The following CCDC192 variants were observed in gnomAD, a reference collection of about 807,000 sequenced individuals.
CCDC192 encodes the protein coiled-coil domain-containing protein 192.
intron 5 of CCDC192, among the ~76,000 whole-genome samples, chr5:127,863,823 A>G (rs1751477595): frequency 6.6e-6 from 1 of 152,246 alleles, no homozygotes; most frequent in Non-Finnish European, 1.5e-5. Context: ...TAAAACGGAA[A>G]TTAGAGCAAG....
intron 5 of CCDC192, among the ~76,000 whole-genome samples, chr5:127,804,347 C>A (rs1001605520): frequency 6.6e-6 from 1 of 152,200 alleles, no homozygotes; most frequent in East Asian, 1.9e-4. Flanking sequence ...TCAAAGAACT[C>A]TGTCAGCTAC....
At chr5:127,892,847 G>A (rs1034255581) in intron 6 of CCDC192, among the ~76,000 whole-genome samples, 8 of 152,196 alleles carry the variant, frequency 5.3e-5, no homozygotes, top group African/African-American at 1.2e-4. Context: ...GAGAAACAGT[G>A]TAGAGTAGGT....
At chr5:127,883,904 G>A (rs1221219472) in intron 6 of CCDC192, among the ~76,000 whole-genome samples, 1 of 152,166 alleles carries the variant, frequency 6.6e-6, no homozygotes, top group Non-Finnish European at 1.5e-5. Context: ...TGGTAAGGAG[G>A]CTGAACCGCG....
chr5:127,803,524 G>C (rs190189952), intron 5 of CCDC192, among the ~76,000 whole-genome samples: 8 of 152,268 alleles, frequency 5.3e-5, no homozygotes, highest in Middle Eastern at 6.8e-3. Context: ...GTCAGGACTA[G>C]GTATCTTAAT....
chr5:127,825,117 G>A lies in CCDC192; in HGVS notation c.411+26955G>A, dbSNP rs764500806. Among the ~76,000 whole-genome samples, 13 of 152,274 alleles carry A rather than the reference G, an allele frequency of 8.5e-5. No homozygotes were observed. The East Asian group carries it at 2.1e-3, about 25-fold the overall frequency. On this transcript the variant is annotated intron_variant, in intron 5 of 6. Transcript: ENST00000514853. ...CAAGTGTTTTCTTGAAGAGTTTTAA[G>A]GAGTATTGACTAAGAATGGATAATC... is the stretch of plus-strand genomic sequence containing the variant.
chr5:127,847,821 T>TTAAATAAATAAA (rs67683440), intron 5 of CCDC192, among the ~76,000 whole-genome samples: 2,769 of 142,840 alleles, frequency 0.019, 39 homozygotes, highest in Non-Finnish European at 0.021. Context: ...AGACTCCATC[T>TTAAATAAATAAA]TAAATAAATA....
intron 2 of CCDC192, among the ~76,000 whole-genome samples, chr5:127,726,279 T>C (rs12523164): frequency 0.056 from 8,493 of 152,306 alleles, 553 homozygotes; most frequent in East Asian, 0.27. Context: ...AAAACTATAA[T>C]TGAGTCCAGT....
intron 3 of CCDC192, among the ~76,000 whole-genome samples, chr5:127,779,638 A>G (rs1756075516): frequency 6.6e-6 from 1 of 152,152 alleles, no homozygotes; most frequent in Admixed American, 6.6e-5. Context: ...TGCAGAACCC[A>G]TGCATTAAAT....
intron 6 of CCDC192, among the ~76,000 whole-genome samples, chr5:127,881,355 TGC>T (rs1469186046): frequency 6.6e-6 from 1 of 152,230 alleles, no homozygotes; most frequent in Non-Finnish European, 1.5e-5. Context: ...TACAAACTGA[TGC>T]TTACAGTTCT....
chr5:127,790,237 T>C (rs1045288668), intron 3 of CCDC192, among the ~76,000 whole-genome samples: 4 of 152,196 alleles, frequency 2.6e-5, no homozygotes, highest in Middle Eastern at 3.2e-3. Flanking sequence ...ACCCCTTCCT[T>C]CTTTCATTTT....
intron 6 of CCDC192, among the ~76,000 whole-genome samples, chr5:127,902,297 T>A (rs1208845067): frequency 4.0e-5 from 6 of 150,308 alleles, no homozygotes; most frequent in Non-Finnish European, 8.9e-5. Context: ...TAATAATAAT[T>A]AAAAAAATAA....
intron 5 of CCDC192, among the ~76,000 whole-genome samples, chr5:127,824,864 A>AT (rs1388862260): frequency 6.6e-6 from 1 of 152,208 alleles, no homozygotes; most frequent in African/African-American, 2.4e-5. Flanking sequence ...CTGTGCTAAG[A>AT]TAAATGGTGA....
At chr5:127,753,736 C>T (rs1161749164) in intron 2 of CCDC192, among the ~76,000 whole-genome samples, 2 of 151,054 alleles carry the variant, frequency 1.3e-5, no homozygotes, top group Non-Finnish European at 2.9e-5. Flanking sequence ...AGAGTCTACA[C>T]ATCTGCTAAT....
intron 3 of CCDC192, among the ~76,000 whole-genome samples, chr5:127,780,408 A>T (rs937619196): frequency 2.0e-5 from 3 of 152,194 alleles, no homozygotes; most frequent in African/African-American, 7.2e-5. Context: ...ACTGTTTTCC[A>T]TAGTGGTTGT....
intron 6 of CCDC192, among the ~76,000 whole-genome samples, chr5:127,896,762 T>A (rs151850): frequency 3.3e-5 from 5 of 152,034 alleles, no homozygotes; most frequent in African/African-American, 1.2e-4. Context: ...TTTCATTTTC[T>A]GTGTTTCCTG....
rs13360999 is a variant in CCDC192, at chr5:127,845,590, A to G, written c.412-29948A>G. 7.5e-4 allele frequency among the ~76,000 whole-genome samples: 115 copies of G among 152,364 alleles called. 1 individual carries two copies. The highest frequency in any genetic ancestry group is 2.8e-3 in the African/African-American group (115 of 41,590). ...ACAAACAAACACAGTTTACTGATTTATCTGAAAAATTTGTCATCAAGCAAA... is the reference window on the plus strand; with the variant it reads ...ACAAACAAACACAGTTTACTGATTTGTCTGAAAAATTTGTCATCAAGCAAA... On this transcript the variant is annotated intron_variant, in intron 5 of 6. Coordinates refer to ENST00000514853, the MANE Select transcript of CCDC192 (RefSeq NM_001317938.2).
At chr5:127,898,368 G>A (rs1178474705) in intron 6 of CCDC192, among the ~76,000 whole-genome samples, 7 of 152,160 alleles carry the variant, frequency 4.6e-5, no homozygotes, top group Non-Finnish European at 8.8e-5. Context: ...CTCAGCATCC[G>A]AAAGTGCTGG....
Position 127,783,550 on chromosome 5 carries a change from A to G in CCDC192, c.223-13553A>G, listed in dbSNP as rs575679181. ...CATTTTGTGGCCTATTATATGGTCT[A>G]TCTTGGAGAAAGTTCCATGAGCTGT... On this transcript the variant is annotated intron_variant, in intron 3 of 6. Transcript: ENST00000514853. Among the ~76,000 whole-genome samples the G allele has an allele frequency of 9.9e-5, 15 of 152,282 alleles. No individual in the cohort carries two copies. In the South Asian group the frequency reaches 2.1e-3, roughly 21 times the overall value.
rs555688955 is a variant in CCDC192, at chr5:127,941,359, G to A, written c.713G>A (p.Arg238Gln). ...ERKIQQLEAE[R>Q]SPHPPQEVKD... ...AAGATTCAGCAGCTGGAAGCTGAGC[G>A]GAGTCCCCATCCTCCCCAAGAGGTC... The change falls in exon 7 of 7, where the codon CGG (arginine) becomes CAG (glutamine). Residue 238 changes from arginine (R) to glutamine (Q), a missense_variant. Physicochemically the swap from Arg to Gln is conservative, Grantham distance 43 (BLOSUM62 1). Coordinates refer to ENST00000514853, the MANE Select transcript of CCDC192 (RefSeq NM_001317938.2). The A allele has an allele frequency of 8.0e-5, 32 of 399,092 alleles. No homozygotes were observed. In the Middle Eastern group the frequency reaches 3.1e-3, roughly 39 times the overall value. The allele number at this position is 399,092 out of a possible 1,614,324, so 24.7% of individuals were successfully genotyped here. A position where few individuals can be genotyped will look rare whatever the true frequency, so the allele number is the denominator to read the frequency against.
Sources: gnomAD v4.1 joint callset for allele counts (sites outside exome capture counted in the v4.1 genomes callset) on GRCh38, gnomAD v4.1.1 for gene constraint, MANE v1.5 for transcripts, NCBI Gene and HGNC (gene_info 2026-07-23, HGNC 2026-07-21) for gene names.